Variants in PASD1 observed in about 807,000 individuals in gnomAD.
PASD1 encodes circadian clock protein PASD1.
In PASD1, 13 loss-of-function variants were observed where a neutral mutation model predicts 58.8. The ratio of observed to expected loss-of-function variants is 0.22; its 90% CI spans 0.14 to 0.35. The LOEUF (loss-of-function observed/expected upper bound fraction) is 0.35, where lower values mean the gene tolerates loss of function less well. Ranked by LOEUF, PASD1 falls within the 10% of genes least tolerant of loss-of-function variation. The pLI, the probability that PASD1 is intolerant of heterozygous loss-of-function variation, is 1.00. For missense variants in PASD1, 734 were observed against 568.3 expected, an observed-to-expected ratio of 1.29 and a Z score of -2.96; for synonymous variants, 236 against 216.7, an observed-to-expected ratio of 1.09 and a Z score of -0.78.
intron 8 of PASD1, among the ~76,000 whole-genome samples, chrX:151,643,965 T>C (rs1337570061): frequency 8.9e-6 from 1 of 111,769 alleles, no homozygotes; most frequent in Non-Finnish European, 1.9e-5. Flanking sequence ...GAGATGAGAT[T>C]GGTCGTGGGT....
At chrX:151,632,376 G>A (rs998085219) in intron 8 of PASD1, among the ~76,000 whole-genome samples, 1 of 111,048 alleles carries the variant, frequency 9.0e-6, no homozygotes, top group African/African-American at 3.3e-5. Context: ...GGTCCTTGAG[G>A]CAGAAGTACA....
At chrX:151,622,174 T>C (rs2013720264) in intron 6 of PASD1, among the ~76,000 whole-genome samples, 1 of 111,118 alleles carries the variant, frequency 9.0e-6, no homozygotes, top group African/African-American at 3.3e-5. Context: ...CAAATTTTTG[T>C]CGCGTGTGGA....
chrX:151,628,164 A>G (rs774570567), intron 8 of PASD1, among the ~76,000 whole-genome samples: 75 of 110,223 alleles, frequency 6.8e-4, no homozygotes, highest in African/African-American at 2.3e-3. Flanking sequence ...TTGCCTGTTC[A>G]CTCTGATGGT....
At chrX:151,614,970 G>T (rs934491771) in intron 4 of PASD1, among the ~76,000 whole-genome samples, 28 of 111,803 alleles carry the variant, frequency 2.5e-4, no homozygotes, top group Admixed American at 2.4e-3. Flanking sequence ...TGAAATAGTA[G>T]AGATATTTAT....
chrX:151,591,819 G>T (rs981666207), intron 1 of PASD1, among the ~76,000 whole-genome samples: 1 of 111,401 alleles, frequency 9.0e-6, no homozygotes, highest in Non-Finnish European at 1.9e-5. Flanking sequence ...GATATGTAAA[G>T]CATGGCTCCT....
In PASD1 at chrX:151,664,168, C is replaced by T. The variant is rs1193745215; in HGVS notation, c.891C>T (p.Tyr297=). The T allele has an allele frequency of 1.7e-6, 2 of 1,210,482 alleles. No homozygotes were observed. The highest frequency in any genetic ancestry group is 3.0e-5 in the East Asian group (1 of 33,770). The change falls in exon 11 of 16, where the codon TAC becomes TAT. Residue 297 remains tyrosine, a synonymous_variant. Transcript: ENST00000370357. ...GTGAGCCTGAGGTGAATCCATTGTA[C>T]AGGGCAGACCCAGTGGACCTGGAGT... The part of the protein sequence containing the change: ...FRGEPEVNPL[Y]RADPVDLEFS...
intron 9 of PASD1, among the ~76,000 whole-genome samples, chrX:151,653,372 A>G (rs2014160009): frequency 9.2e-6 from 1 of 109,130 alleles, no homozygotes; most frequent in Non-Finnish European, 1.9e-5. Flanking sequence ...TTGTATTATT[A>G]GTAGAGACGG....
chrX:151,604,623 ACTTT>A lies in PASD1; in HGVS notation c.29-19_29-16del, dbSNP rs1486578145. ...TCATTTTAATGTGACACTGTTCTGT[ACTTT>A]CTTCCTTTTTCTAAAAAGACAAAGT... On this transcript the variant is annotated intron_variant, in intron 2 of 15. Transcript: ENST00000370357. The A allele has an allele frequency of 9.0e-7, 1 of 1,106,930 alleles. No individual in the cohort carries two copies. Among genetic ancestry groups the A allele is most frequent in the Non-Finnish European group, 1.2e-6 (1 of 805,107 alleles). The allele number at this position is 1,106,930 out of a possible 1,213,427, so 91.2% of individuals were successfully genotyped here.
chrX:151,672,906 G>A (rs2014497569), intron 14 of PASD1: 1 of 420,099 alleles, frequency 2.4e-6, no homozygotes. Context: ...GACTAGATAA[G>A]GAAGCCTCAA....
chrX:151,649,037 C>T (rs756883115), intron 9 of PASD1, among the ~76,000 whole-genome samples: 69 of 111,875 alleles, frequency 6.2e-4, no homozygotes, highest in South Asian at 3.7e-4. Context: ...GCCTAATTAG[C>T]CTAGGTTGTC....
intron 1 of PASD1, among the ~76,000 whole-genome samples, chrX:151,591,182 C>A (rs1457746342): frequency 8.9e-6 from 1 of 111,761 alleles, no homozygotes; most frequent in Non-Finnish European, 1.9e-5. Context: ...GACACTGATA[C>A]ATCTATATTA....
intron 1 of PASD1, 92 bp from the exon 2 acceptor site, chrX:151,601,435 A>G: frequency 1.6e-6 from 1 of 640,997 alleles, no homozygotes. Context: ...GAAAAGTGTT[A>G]CACAATTGAG....
At chrX:151,571,753 AAC>A (rs1387417304) in intron 1 of PASD1, among the ~76,000 whole-genome samples, 2 of 111,772 alleles carry the variant, frequency 1.8e-5, no homozygotes, top group Non-Finnish European at 3.8e-5. Context: ...TTTAAGAAAA[AAC>A]ACTCTCCCCT....
rs778312448 is a variant in PASD1, at chrX:151,625,467, C to T, written c.566C>T (p.Ala189Val). 2.2e-5 allele frequency: 27 copies of T among 1,206,821 alleles called. No homozygotes were observed. In the South Asian group the frequency reaches 4.5e-4, roughly 20 times the overall value. The change falls in exon 8 of 16, where the codon GCA (alanine) becomes GTA (valine). Residue 189 changes from alanine to valine, a missense_variant. By Grantham distance (64) the Ala-to-Val change is moderately conservative. Transcript: ENST00000370357. The stretch of plus-strand genomic sequence containing the variant: ...CTGCAGCAACTTTACACTTCAAAGG[C>T]AGTCAGTGATGAAGCTGTACTTACA... ...QLLQQLYTSK[A>V]VSDEAVLTQD...
chrX:151,617,209 T>A (rs2013648202), intron 4 of PASD1, among the ~76,000 whole-genome samples: 1 of 111,694 alleles, frequency 9.0e-6, no homozygotes, highest in African/African-American at 3.2e-5. Context: ...GAAGAGCAAA[T>A]GCTAAAAATT....
At chrX:151,632,255 A>C in intron 8 of PASD1, among the ~76,000 whole-genome samples, 1 of 111,408 alleles carries the variant, frequency 9.0e-6, no homozygotes, top group Non-Finnish European at 1.9e-5. Flanking sequence ...CTTTGTGGCC[A>C]GAAAGGGCCT....
chrX:151,598,100 A>G (rs1602919403), intron 1 of PASD1, among the ~76,000 whole-genome samples: 2 of 112,290 alleles, frequency 1.8e-5, no homozygotes, highest in African/African-American at 3.2e-5. Context: ...GGCATTTAAG[A>G]CTAAAAGCTT....
intron 10 of PASD1, 129 bp downstream of exon 10, chrX:151,659,965 C>A (rs1421892120): frequency 1.8e-6 from 1 of 566,212 alleles, no homozygotes; most frequent in East Asian, 3.9e-5. Flanking sequence ...TTCCAACTTT[C>A]TTCATCTTCT....
intron 3 of PASD1, among the ~76,000 whole-genome samples, chrX:151,611,119 C>T (rs143326243): frequency 0.035 from 3,891 of 111,309 alleles, 90 homozygotes; most frequent in Non-Finnish European, 0.056. Context: ...TTTCTGATAT[C>T]AGGTTATTTC....
Sources: gnomAD v4.1 joint callset for allele counts (sites outside exome capture counted in the v4.1 genomes callset) on GRCh38, gnomAD v4.1.1 for gene constraint, MANE v1.5 for transcripts, NCBI Gene and HGNC (gene_info 2026-07-23, HGNC 2026-07-21) for gene names.